The following TLK1 variants were observed in gnomAD, a reference collection of about 807,000 sequenced individuals.
TLK1 encodes the protein tousled like kinase 1.
A neutral mutation model predicts 105.3 loss-of-function variants in TLK1; 24 were observed. The ratio of observed to expected loss-of-function variants is 0.23; its 90% CI spans 0.17 to 0.32. TLK1 has a LOEUF of 0.32. Ranked by LOEUF, TLK1 falls within the 10% of genes least tolerant of loss-of-function variation. The pLI is 1.00. For synonymous variants in TLK1, 321 were observed against 310.4 expected (o/e 1.03, Z -0.36); for missense variants, 558 against 910.5 (o/e 0.61, Z 4.98).
chr2:171,190,907 T>C (rs1693133833), intron 1 of TLK1, among the ~76,000 whole-genome samples: 1 of 150,456 alleles, frequency 6.6e-6, no homozygotes, highest in African/African-American at 2.5e-5. Flanking sequence ...CTCACACCTG[T>C]AATCCCAGTA....
chr2:171,021,057 G>A (rs193198083), intron 12 of TLK1, among the ~76,000 whole-genome samples: 1 of 152,156 alleles, frequency 6.6e-6, no homozygotes, highest in African/African-American at 2.4e-5. Flanking sequence ...CTGTTTTTCT[G>A]GGGGTGTGTG....
chr2:171,205,330 T>C (rs974591026), intron 1 of TLK1, among the ~76,000 whole-genome samples: 3 of 152,134 alleles, frequency 2.0e-5, no homozygotes, highest in African/African-American at 7.2e-5. Context: ...CAGCTTTTTT[T>C]TTTTTTTCCC....
intron 2 of TLK1, among the ~76,000 whole-genome samples, chr2:171,085,059 C>T (rs1688909712): frequency 6.6e-6 from 1 of 152,202 alleles, no homozygotes; most frequent in Non-Finnish European, 1.5e-5. Flanking sequence ...CTAAAAACTA[C>T]TAAAGCCAGA....
intron 18 of TLK1, among the ~76,000 whole-genome samples, chr2:171,001,747 C>G (rs149854421): frequency 4.6e-5 from 7 of 152,208 alleles, no homozygotes; most frequent in Admixed American, 2.6e-4. Flanking sequence ...AGGCAGCTAT[C>G]CTTTCTCCTC....
upstream of TLK1, among the ~76,000 whole-genome samples, chr2:171,165,673 G>A (rs1053364605): frequency 1.3e-5 from 2 of 152,210 alleles, no homozygotes; most frequent in Non-Finnish European, 1.5e-5. Context: ...AGCATTTTGG[G>A]AGGCCGAGGC....
Position 171,122,191 on chromosome 2 carries a change from CTT to C in TLK1, c.140-4336_140-4335del, listed in dbSNP as rs746043263. On this transcript the variant is annotated intron_variant, in intron 1 of 20. Coordinates refer to ENST00000431350, the MANE Select transcript of TLK1 (RefSeq NM_012290.5). ...ATGTTGGCCAGGATGGTCTCGATCTCTTGACCTCGTGAATTACACACCTCAGC... is the reference window on the plus strand; with the variant it reads ...ATGTTGGCCAGGATGGTCTCGATCTCGACCTCGTGAATTACACACCTCAGC... 1.6e-3 allele frequency among the ~76,000 whole-genome samples: 242 copies of C among 152,276 alleles called. 1 individual carries two copies. The highest frequency in any genetic ancestry group is 3.1e-3 in the Non-Finnish European group (210 of 68,028).
intron 11 of TLK1, among the ~76,000 whole-genome samples, chr2:171,040,006 A>T (rs1686581552): frequency 6.6e-6 from 1 of 152,196 alleles, no homozygotes; most frequent in African/African-American, 2.4e-5. Context: ...TCACTATGCA[A>T]GACAATAATG....
intron 1 of TLK1, among the ~76,000 whole-genome samples, chr2:171,184,958 A>C (rs1468036466): frequency 6.6e-6 from 1 of 151,466 alleles, no homozygotes; most frequent in Non-Finnish European, 1.5e-5. Context: ...CCTGCCTCAG[A>C]CTCCCAAGAA....
chr2:171,132,435 TAA>T (rs1291427931), intron 1 of TLK1, among the ~76,000 whole-genome samples: 4 of 152,240 alleles, frequency 2.6e-5, no homozygotes, highest in East Asian at 3.9e-4. Flanking sequence ...CAGAAACTCA[TAA>T]AGTTACTTAC....
intron 1 of TLK1, among the ~76,000 whole-genome samples, chr2:171,180,921 A>G (rs1212398309): frequency 6.6e-6 from 1 of 152,088 alleles, no homozygotes; most frequent in African/African-American, 2.4e-5. Context: ...CAAATGTTAA[A>G]AAGTTCAGAG....
At chr2:171,015,440 ACAC>A (rs1685132093) in intron 12 of TLK1, among the ~76,000 whole-genome samples, 2 of 150,282 alleles carry the variant, frequency 1.3e-5, no homozygotes, top group African/African-American at 4.9e-5. Flanking sequence ...ACACACACAC[ACAC>A]ACACACACAC....
chr2:171,192,295 C>G (rs1693169322), intron 1 of TLK1, among the ~76,000 whole-genome samples: 1 of 152,102 alleles, frequency 6.6e-6, no homozygotes, highest in Non-Finnish European at 1.5e-5. Context: ...TCCTAAAGAG[C>G]TGGAATTACT....
intron 1 of TLK1, among the ~76,000 whole-genome samples, chr2:171,219,628 T>G: frequency 2.0e-5 from 3 of 147,944 alleles, no homozygotes; most frequent in Non-Finnish European, 3.0e-5. Context: ...TGAGACAGGG[T>G]CTTGCTTTAT....
chr2:171,182,933 A>AG (rs1341292260), intron 1 of TLK1, among the ~76,000 whole-genome samples: 8 of 148,844 alleles, frequency 5.4e-5, no homozygotes, highest in African/African-American at 1.3e-4. Flanking sequence ...AAAAAAAAAA[A>AG]AAAAAGAAAG....
intron 11 of TLK1, among the ~76,000 whole-genome samples, chr2:171,034,964 G>A (rs987741862): frequency 1.3e-5 from 2 of 152,124 alleles, no homozygotes; most frequent in Admixed American, 1.3e-4. Flanking sequence ...CCTGGTGGGA[G>A]GTAACTGAAT....
intron 2 of TLK1, among the ~76,000 whole-genome samples, chr2:171,102,556 G>A (rs1689736103): frequency 6.6e-6 from 1 of 152,090 alleles, no homozygotes; most frequent in Non-Finnish European, 1.5e-5. Flanking sequence ...CAGGCTTAGG[G>A]TAAAACAATA....
At chr2:171,159,330 C>T (rs553038989) in intron 1 of TLK1, among the ~76,000 whole-genome samples, 1 of 152,188 alleles carries the variant, frequency 6.6e-6, no homozygotes, top group Non-Finnish European at 1.5e-5. Flanking sequence ...CACATTTATT[C>T]ATTCCCCATA....
chr2:171,013,008 T>A (rs2105370683), intron 13 of TLK1, among the ~76,000 whole-genome samples: 1 of 106,794 alleles, frequency 9.4e-6, no homozygotes, highest in South Asian at 5.8e-4. Context: ...ATATGCTCTA[T>A]TAGATTTTTT....
At chr2:171,022,917 A>C in intron 12 of TLK1, 1 of 372,614 alleles carries the variant, frequency 2.7e-6, no homozygotes, top group Non-Finnish European at 5.4e-6. Context: ...AGGCTTGTAG[A>C]CAATCCATTG....
Sources: allele counts gnomAD v4.1 joint callset (sites outside exome capture counted in the v4.1 genomes callset), GRCh38; gene constraint gnomAD v4.1.1; transcripts MANE v1.5; gene names NCBI Gene and HGNC (gene_info 2026-07-23, HGNC 2026-07-21).